RMND1: variants seen among roughly 807,000 people sequenced by gnomAD.
RMND1 encodes the protein required for meiotic nuclear division protein 1 homolog.
A neutral mutation model predicts 54.0 loss-of-function variants in RMND1; 41 were observed. That is an observed-to-expected ratio of 0.76 (90% CI 0.59 to 0.98). The LOEUF (loss-of-function observed/expected upper bound fraction) is 0.98, where lower values mean the gene tolerates loss of function less well. Among genes scored for constraint, RMND1 ranks in the 50% least tolerant of loss-of-function variants. The pLI is 0.00. For synonymous variants in RMND1, 183 were observed against 181.7 expected, an observed-to-expected ratio of 1.01 and a Z score of -0.06; for missense variants, 457 against 532.0, an observed-to-expected ratio of 0.86 and a Z score of 1.39.
chr6:151,443,642 T>G (rs914432076), intron 2 of RMND1, among the ~76,000 whole-genome samples: 1 of 152,182 alleles, frequency 6.6e-6, no homozygotes, highest in Non-Finnish European at 1.5e-5. Flanking sequence ...TCCCTGTGCT[T>G]TCAGAAAGAC....
At position 151,433,592 on chromosome 6, in the gene RMND1, AAAT is replaced by A. The variant is rs1780506997; in HGVS notation, c.614-365_614-363del. ...ATTAAACTTCTTTCTACAAAATTAA[AAAT>A]AAAATTTGAAGAAGTATTAATATAT... On this transcript the variant is annotated intron_variant, in intron 3 of 11. Coordinates refer to ENST00000444024, the MANE Select transcript of RMND1 (RefSeq NM_017909.4). Among the ~76,000 whole-genome samples, 7 of 152,316 alleles carry A rather than the reference AAAT, an allele frequency of 4.6e-5. No individual in the cohort carries two copies. The South Asian group carries it at 1.5e-3, about 32-fold the overall frequency.
Position 151,448,941 on chromosome 6 carries a change from G to A in RMND1, c.-15+3075C>T, listed in dbSNP as rs116512549. ...AAAATACAAAAATCAGCCGGGCATG[G>A]TGGCATGGGCCTATAATCCCAGTTA... On this transcript the variant is annotated intron_variant, in intron 1 of 11. Coordinates refer to ENST00000444024, the MANE Select transcript of RMND1 (RefSeq NM_017909.4). Among the ~76,000 whole-genome samples the A allele has an allele frequency of 7.6e-3, 1,153 of 151,790 alleles. 18 individuals carry two copies. Among genetic ancestry groups the A allele is most frequent in the African/African-American group, 0.027 (1,107 of 41,322 alleles).
Position 151,422,557 on chromosome 6 carries a change from A to C in RMND1, c.986T>G (p.Ile329Ser). ...TATAATTACCTCAGGAATTGACTGAATAGATTCAATAAATTTATCCAGTGA... is the reference window on the plus strand; with the variant it reads ...TATAATTACCTCAGGAATTGACTGACTAGATTCAATAAATTTATCCAGTGA... ...EASLDKFIESIQSIPEALKAG... is the reference protein window; with the variant it reads ...EASLDKFIESSQSIPEALKAG... The change falls in exon 8 of 12, where the codon ATT becomes AGT. Residue 329 changes from isoleucine to serine, a missense_variant. Coordinates refer to ENST00000444024, the MANE Select transcript of RMND1 (RefSeq NM_017909.4). 1 of 1,533,718 alleles carries C rather than the reference A, an allele frequency of 6.5e-7. No individual in the cohort carries two copies. The highest frequency in any genetic ancestry group is 8.9e-7 in the Non-Finnish European group (1 of 1,129,262).
At chr6:151,432,900 G>A (rs1780487369) in intron 4 of RMND1, among the ~76,000 whole-genome samples, 2 of 152,214 alleles carry the variant, frequency 1.3e-5, no homozygotes, top group South Asian at 2.1e-4. Flanking sequence ...ATGAAAATCC[G>A]AATTTACAAA....
intron 1 of RMND1, 129 bp downstream of exon 1, chr6:151,451,887 G>C (rs1191177895): frequency 6.6e-6 from 1 of 152,388 alleles, no homozygotes; most frequent in African/African-American, 2.4e-5. Flanking sequence ...AAAGATCACG[G>C]TAAGAGGCAA....
chr6:151,431,321 G>GA (rs1158095407), intron 4 of RMND1, among the ~76,000 whole-genome samples: 1 of 152,100 alleles, frequency 6.6e-6, no homozygotes, highest in African/African-American at 2.4e-5. Context: ...CAGTGATAGA[G>GA]AATTTGTTCA....
At chr6:151,412,839 C>T (rs1013331072) in intron 10 of RMND1, among the ~76,000 whole-genome samples, 1 of 152,164 alleles carries the variant, frequency 6.6e-6, no homozygotes, top group Non-Finnish European at 1.5e-5. Flanking sequence ...CGAGAACTCA[C>T]TGTCACAAGA....
intron 6 of RMND1, among the ~76,000 whole-genome samples, chr6:151,426,407 T>C (rs187025897): frequency 2.2e-4 from 34 of 152,324 alleles, no homozygotes; most frequent in African/African-American, 8.2e-4. Flanking sequence ...AGCTAGTCTG[T>C]TGCCTACCCA....
intron 8 of RMND1, among the ~76,000 whole-genome samples, chr6:151,422,266 A>G (rs1162787374): frequency 6.8e-6 from 1 of 146,976 alleles, no homozygotes; most frequent in Non-Finnish European, 1.5e-5. Context: ...ATAATACAGT[A>G]TAACAACTAT....
chr6:151,432,559 G>C (rs13205877), intron 4 of RMND1, among the ~76,000 whole-genome samples: 37,067 of 151,882 alleles, frequency 0.24, 6,231 homozygotes, highest in African/African-American at 0.47. Flanking sequence ...GTTTCCTCAG[G>C]TGCAAAATAG....
At chr6:151,419,787 C>G (rs1780107640) in intron 9 of RMND1, among the ~76,000 whole-genome samples, 1 of 151,696 alleles carries the variant, frequency 6.6e-6, no homozygotes, top group Non-Finnish European at 1.5e-5. Context: ...TACCACACTA[C>G]TTAAATCCTT....
At chr6:151,431,300 G>C (rs1381440644) in intron 4 of RMND1, among the ~76,000 whole-genome samples, 2 of 151,982 alleles carry the variant, frequency 1.3e-5, no homozygotes, top group Non-Finnish European at 2.9e-5. Context: ...AATCCAGAAG[G>C]GAACTTTATG....
intron 6 of RMND1, among the ~76,000 whole-genome samples, chr6:151,424,132 C>T (rs1488846165): frequency 2.0e-5 from 3 of 151,986 alleles, no homozygotes; most frequent in African/African-American, 7.2e-5. Context: ...ACTACAGGTG[C>T]GAGCCACCTT....
At chr6:151,407,327 C>G (rs1779660222) in intron 10 of RMND1, among the ~76,000 whole-genome samples, 1 of 152,062 alleles carries the variant, frequency 6.6e-6, no homozygotes, top group South Asian at 2.1e-4. Context: ...TTCCTCTTGC[C>G]CTTTCTTAAT....
Position 151,430,750 on chromosome 6 carries a change from C to T in RMND1, c.690-573G>A, listed in dbSNP as rs116505918. The stretch of plus-strand genomic sequence containing the variant: ...TAACATTATTTAGGGTCTAAAACTA[C>T]GAATGCATTTGTTTTGATTTCTCAA... On this transcript the variant is annotated intron_variant, in intron 4 of 11. Transcript: ENST00000444024. Among the ~76,000 whole-genome samples the T allele has an allele frequency of 4.7e-3, 715 of 152,204 alleles. 7 individuals carry two copies. Among genetic ancestry groups the T allele is most frequent in the African/African-American group, 0.012 (482 of 41,504 alleles).
rs1048105333 is a variant in RMND1 at position 151,423,553 on chromosome 6, A to T, written c.909T>A (p.Phe303Leu). 1 of 1,613,800 alleles carries T rather than the reference A, an allele frequency of 6.2e-7. No homozygotes were observed. Among genetic ancestry groups the T allele is most frequent in the Admixed American group, 1.7e-5 (1 of 60,026 alleles). ...AAAGGCATAGAGCATTGGAGAAAGC[A>T]AACTTCTCTAGAATGGCATCATCTA... ...LDLDDAILEK[F>L]AFSNALCLSV... The change falls in exon 7 of 12, where the codon TTT (phenylalanine) becomes TTA (leucine). Residue 303 changes from phenylalanine (F) to leucine (L), a missense_variant. Physicochemically the swap from Phe to Leu is conservative, Grantham distance 22. Transcript: ENST00000444024.
At chr6:151,448,588 G>A (rs976454568) in intron 1 of RMND1, among the ~76,000 whole-genome samples, 2 of 152,072 alleles carry the variant, frequency 1.3e-5, no homozygotes, top group Non-Finnish European at 2.9e-5. Flanking sequence ...GGGCCTTCTA[G>A]GGACCACTGC....
chr6:151,447,297 G>A (rs943496792), intron 1 of RMND1, among the ~76,000 whole-genome samples: 1 of 151,766 alleles, frequency 6.6e-6, no homozygotes, highest in Non-Finnish European at 1.5e-5. Context: ...TTTTAACTCA[G>A]AGTCACACGG....
chr6:151,420,955 A>G (rs1227235104), intron 9 of RMND1: 4 of 211,620 alleles, frequency 1.9e-5, no homozygotes, highest in Non-Finnish European at 2.8e-5. Context: ...AACCAAATTC[A>G]GGAATATGTC....
Sources: gnomAD v4.1 joint callset for allele counts (sites outside exome capture counted in the v4.1 genomes callset) on GRCh38, gnomAD v4.1.1 for gene constraint, MANE v1.5 for transcripts, NCBI Gene and HGNC (gene_info 2026-07-23, HGNC 2026-07-21) for gene names.